The following NPAS3 variants were observed in gnomAD, a reference collection of about 807,000 sequenced individuals.
NPAS3 encodes the protein neuronal PAS domain-containing protein 3.
Under a neutral mutation model 73.1 loss-of-function variants are expected in NPAS3, and 14 were observed. The ratio of observed to expected loss-of-function variants is 0.19; its 90% CI spans 0.13 to 0.30. The LOEUF (loss-of-function observed/expected upper bound fraction) is 0.30. Among genes scored for constraint, NPAS3 ranks in the 10% least tolerant of loss-of-function variants. The pLI, the probability that NPAS3 is intolerant of heterozygous loss-of-function variation, is 1.00. For missense variants in NPAS3, 1,096 were observed against 1,250.0 expected, an observed-to-expected ratio of 0.88 and a Z score of 1.86; for synonymous variants, 620 against 541.5, an observed-to-expected ratio of 1.14 and a Z score of -2.01.
At chr14:33,641,576 G>A (rs1335470225) in intron 5 of NPAS3, among the ~76,000 whole-genome samples, 4 of 152,134 alleles carry the variant, frequency 2.6e-5, no homozygotes, top group African/African-American at 4.8e-5. Context: ...TTCACAAGGA[G>A]AGTCTATGTC....
chr14:32,993,866 C>A (rs1189901019), intron 1 of NPAS3, among the ~76,000 whole-genome samples: 1 of 152,164 alleles, frequency 6.6e-6, no homozygotes, highest in Non-Finnish European at 1.5e-5. Flanking sequence ...AAATTTTGAT[C>A]AATAAAATGG....
At chr14:33,595,625 G>A (rs1012404928) in intron 5 of NPAS3, among the ~76,000 whole-genome samples, 1 of 152,168 alleles carries the variant, frequency 6.6e-6, no homozygotes, top group Non-Finnish European at 1.5e-5. Context: ...AAAAGGTAAG[G>A]AGGGAAAAGA....
intron 5 of NPAS3, among the ~76,000 whole-genome samples, chr14:33,672,404 G>C (rs752495774): frequency 1.3e-5 from 2 of 151,878 alleles, no homozygotes; most frequent in Non-Finnish European, 2.9e-5. Context: ...GCAAATATCC[G>C]TTCTTTATTC....
At chr14:33,657,796 A>T (rs2059189533) in intron 5 of NPAS3, among the ~76,000 whole-genome samples, 1 of 152,216 alleles carries the variant, frequency 6.6e-6, no homozygotes, top group African/African-American at 2.4e-5. Context: ...ATGTAAAAAA[A>T]AAAAAGATAA....
At chr14:33,784,733 A>ATTATTT (rs2063092842) in intron 9 of NPAS3, among the ~76,000 whole-genome samples, 5 of 78,328 alleles carry the variant, frequency 6.4e-5, no homozygotes, top group African/African-American at 3.4e-4. Context: ...TTATTTATTT[A>ATTATTT]TTTATTTATT....
intron 1 of NPAS3, among the ~76,000 whole-genome samples, chr14:32,977,397 T>G (rs2037733190): frequency 2.1e-5 from 2 of 97,462 alleles, no homozygotes; most frequent in Non-Finnish European, 5.2e-5. Flanking sequence ...ATCTATTTAT[T>G]TAATGGAATT....
At chr14:33,626,675 T>A (rs2058228996) in intron 5 of NPAS3, among the ~76,000 whole-genome samples, 1 of 152,212 alleles carries the variant, frequency 6.6e-6, no homozygotes, top group Admixed American at 6.5e-5. Flanking sequence ...ACAGGCACCA[T>A]TTTTAGGTGC....
intron 4 of NPAS3, among the ~76,000 whole-genome samples, chr14:33,496,503 C>T (rs1275622454): frequency 2.0e-5 from 3 of 152,038 alleles, no homozygotes; most frequent in Non-Finnish European, 2.9e-5. Context: ...TTATCCACCA[C>T]AATCAAGTCG....
At chr14:33,050,228 T>C (rs1217931709) in intron 1 of NPAS3, among the ~76,000 whole-genome samples, 5 of 152,218 alleles carry the variant, frequency 3.3e-5, no homozygotes, top group Non-Finnish European at 7.3e-5. Flanking sequence ...AACTCACTCA[T>C]TTCACTCCTA....
chr14:33,689,453 G>A (rs1270982044), intron 6 of NPAS3, among the ~76,000 whole-genome samples: 1 of 152,180 alleles, frequency 6.6e-6, no homozygotes, highest in Non-Finnish European at 1.5e-5. Context: ...TGGAAAGGGT[G>A]GCCAGGGGTT....
intron 4 of NPAS3, among the ~76,000 whole-genome samples, chr14:33,507,516 A>G (rs1256020554): frequency 1.3e-5 from 2 of 151,802 alleles, no homozygotes; most frequent in Non-Finnish European, 2.9e-5. Flanking sequence ...TGAATTGTTC[A>G]TTGTTGTTCT....
intron 1 of NPAS3, among the ~76,000 whole-genome samples, chr14:32,983,519 C>A (rs921036110): frequency 6.6e-6 from 1 of 151,944 alleles, no homozygotes; most frequent in African/African-American, 2.4e-5. Context: ...ATATTAAGTG[C>A]AAAATTTCCC....
chr14:33,183,421 GTTTTTTTTTTTTTTTTTT>G (rs55643715), intron 2 of NPAS3, among the ~76,000 whole-genome samples: 21,100 of 60,956 alleles, frequency 0.35, 2,882 homozygotes, highest in South Asian at 0.51. Flanking sequence ...GTGAGACTCT[GTTTTTTTTTTTTTTTTTT>G]TTTTTTTTTT....
chr14:33,690,836 A>T (rs962053176), intron 6 of NPAS3, among the ~76,000 whole-genome samples: 1 of 150,428 alleles, frequency 6.6e-6, no homozygotes, highest in African/African-American at 2.5e-5. Flanking sequence ...TTGGAGTTCC[A>T]TTAAAAAAGT....
At chr14:33,699,561 C>T (rs2060474371) in intron 6 of NPAS3, among the ~76,000 whole-genome samples, 2 of 152,166 alleles carry the variant, frequency 1.3e-5, no homozygotes, top group African/African-American at 4.8e-5. Flanking sequence ...CCTGTAACCT[C>T]TGGCAACAAA....
chr14:33,605,821 A>G (rs971627525), intron 5 of NPAS3, among the ~76,000 whole-genome samples: 3 of 150,926 alleles, frequency 2.0e-5, no homozygotes, highest in Non-Finnish European at 4.4e-5. Flanking sequence ...ATTCAATACA[A>G]TTCCAATCAA....
intron 1 of NPAS3, among the ~76,000 whole-genome samples, chr14:32,965,815 G>A (rs1466021800): frequency 6.6e-6 from 1 of 152,134 alleles, no homozygotes; most frequent in Admixed American, 6.5e-5. Flanking sequence ...AAACTCTACA[G>A]ACGCCATTTA....
intron 2 of NPAS3, among the ~76,000 whole-genome samples, chr14:33,188,990 A>T (rs2046076169): frequency 6.6e-6 from 1 of 152,202 alleles, no homozygotes; most frequent in Non-Finnish European, 1.5e-5. Context: ...TGCTTGCCTT[A>T]AAAATTAAAG....
intron 5 of NPAS3, among the ~76,000 whole-genome samples, chr14:33,573,591 G>A (rs572726550): frequency 1.6e-4 from 25 of 152,308 alleles, no homozygotes; most frequent in African/African-American, 6.0e-4. Context: ...TAGCATTCCA[G>A]GCAAAGGGAG....
Sources: gnomAD v4.1 joint callset for allele counts (sites outside exome capture counted in the v4.1 genomes callset) on GRCh38, gnomAD v4.1.1 for gene constraint, MANE v1.5 for transcripts, NCBI Gene and HGNC (gene_info 2026-07-23, HGNC 2026-07-21) for gene names.